Variants in ADAM33 observed in about 807,000 individuals in gnomAD.
ADAM33 encodes the protein ADAM metallopeptidase domain 33, also known as disintegrin and metalloproteinase domain-containing protein 33.
In ADAM33, 103 loss-of-function variants were observed where a neutral mutation model predicts 106.2. That is an observed-to-expected ratio of 0.97 (90% CI 0.83 to 1.14). The LOEUF (loss-of-function observed/expected upper bound fraction) is 1.14. ADAM33 is among the 50% of genes most tolerant of loss of function. ADAM33 has a pLI of 0.00. For synonymous variants in ADAM33, 483 were observed against 453.0 expected, an observed-to-expected ratio of 1.07 and a Z score of -0.84; for missense variants, 1,120 against 1,096.6, an observed-to-expected ratio of 1.02 and a Z score of -0.30.
At position 3,668,798 on chromosome 20, in the gene ADAM33, T is replaced by A. The variant is rs1278623392; in HGVS notation, c.*165A>T. 1.3e-6 allele frequency: 1 copy of A among 785,272 alleles called. No individual in the cohort carries two copies. The allele number at this position is 785,272 out of a possible 1,614,324, so 48.6% of individuals were successfully genotyped here. ...AGGAACTTCTAATGTGGCTCTGGGT[T>A]CCTGGAGTGGGTGGGTCGAAGCTCC... On this transcript the variant is annotated 3_prime_UTR_variant, in exon 22 of 22. Transcript: ENST00000356518.
rs147783607 is a variant in ADAM33 at position 3,669,610 on chromosome 20, G to T, written c.2268C>A (p.His756Gln). The change falls in exon 20 of 22, where the codon CAC (histidine) becomes CAA (glutamine). Residue 756 changes from histidine (H) to glutamine (Q), a missense_variant. His to Gln is a conservative substitution (Grantham distance 24, BLOSUM62 0). Transcript: ENST00000356518. ...CCATGGGGTGAACGCCGCCCAGGGG[G>T]TGGTCCCTGTGTGGGCCATCTTTGG... ...SGPKDGPHRD[H>Q]PLGGVHPMEL... 6.2e-7 allele frequency: 1 copy of T among 1,603,072 alleles called. No individual in the cohort carries two copies. Among genetic ancestry groups the T allele is most frequent in the South Asian group, 1.1e-5 (1 of 88,260 alleles).
At chr20:3,676,444 T>A (rs1170021215) in intron 3 of ADAM33, among the ~76,000 whole-genome samples, 10 of 151,610 alleles carry the variant, frequency 6.6e-5, no homozygotes, top group Non-Finnish European at 1.5e-4. Context: ...TTCTTTTTTT[T>A]CTCTTTTTTT....
intron 1 of ADAM33, 24 bp from the exon 2 acceptor site, chr20:3,679,595 G>A (rs1205387677): frequency 1.3e-6 from 2 of 1,591,444 alleles, no homozygotes; most frequent in Non-Finnish European, 1.7e-6. Context: ...AGAGCACAGG[G>A]TGAGGGGGAC....
chr20:3,674,446 C>T, intron 6 of ADAM33, 58 bp downstream of exon 6: 1 of 1,605,086 alleles, frequency 6.2e-7, no homozygotes, highest in Non-Finnish European at 8.5e-7. Context: ...CCCGTCTCTT[C>T]TGATTTGGAG....
Position 3,674,067 on chromosome 20 carries a change from G to A in ADAM33, c.735C>T (p.Asp245=), listed in dbSNP as rs752230445. The A allele has an allele frequency of 6.2e-7, 1 of 1,614,122 alleles. No homozygotes were observed. The highest frequency in any genetic ancestry group is 8.5e-7 in the Non-Finnish European group (1 of 1,180,018). The change falls in exon 8 of 22, where the codon GAC becomes GAT. Residue 245 remains aspartate (D), a synonymous_variant. Coordinates refer to ENST00000356518, the MANE Select transcript of ADAM33 (RefSeq NM_025220.5). Reference sequence around the variant, plus strand: ...CTCTCTCCCCGCCGCCCCCAACCTGGTCCACGTAGTTGGCGACTTCCAGGA... The same window carrying A: ...CTCTCTCCCCGCCGCCCCCAACCTGATCCACGTAGTTGGCGACTTCCAGGA... The part of the protein sequence containing the change: ...QRLLEVANYV[D]QLLRTLDIQV...
chr20:3,679,571 C>T lies in ADAM33; in HGVS notation c.98G>A (p.Gly33Glu), dbSNP rs766778990. Residue 33 changes from glycine (G) to glutamate (E), a missense_variant and splice_region_variant, in exon 2 of 22, where the codon GGA (glycine) becomes GAA (glutamate). Gly to Glu is a moderately conservative substitution (Grantham distance 98). Coordinates refer to ENST00000356518, the MANE Select transcript of ADAM33 (RefSeq NM_025220.5). ...GGTGACTGGCTGCCCAGGGATATGT[C>T]CTGGAGTAAAGACAGAGCACAGGGT... Reference protein sequence around the residue: ...WPVPGAGVLQGHIPGQPVTPH... With the variant: ...WPVPGAGVLQEHIPGQPVTPH... The T allele has an allele frequency of 2.5e-6, 4 of 1,606,576 alleles. No homozygotes were observed. In the African/African-American group the frequency reaches 4.0e-5, roughly 16 times the overall value.
chr20:3,675,173 C>A lies in ADAM33; in HGVS notation c.255-68G>T. 1 of 1,234,998 alleles carries A rather than the reference C, an allele frequency of 8.1e-7. No individual in the cohort carries two copies. The highest frequency in any genetic ancestry group is 1.3e-5 in the South Asian group (1 of 75,330). The allele number at this position is 1,234,998 out of a possible 1,614,324, so 76.5% of individuals were successfully genotyped here. ...CTGCCTCCTCCAGGATGTCTCCCAGCCTTCCTCCCTAAATGCTAATGGAGC... is the reference window on the plus strand; with the variant it reads ...CTGCCTCCTCCAGGATGTCTCCCAGACTTCCTCCCTAAATGCTAATGGAGC... On this transcript the variant is annotated intron_variant, in intron 3 of 21. Coordinates refer to ENST00000356518, the MANE Select transcript of ADAM33 (RefSeq NM_025220.5). This position sits in a 1 kb window ranked among gnomAD's most constrained non-coding sequence, Gnocchi z 4.1.
At position 3,674,506 on chromosome 20, in the gene ADAM33, T is replaced by C. The variant is rs747663640; in HGVS notation, c.598A>G (p.Arg200Gly). The change falls in exon 6 of 22, where the codon AGG becomes GGG. Residue 200 changes from arginine to glycine, a missense_variant and splice_region_variant. Physicochemically the swap from Arg to Gly is moderately radical, Grantham distance 125. Transcript: ENST00000356518. ...CCCATCCGATCGATGCCCCTGACCC[T>C]GCTCTGGGGACCACCAGGAAGGCTG... Reference protein sequence around the residue: ...MTSLPGGPQSRGRREARRTRK... With the variant: ...MTSLPGGPQSGGRREARRTRK... 6.8e-6 allele frequency: 11 copies of C among 1,613,004 alleles called. No individual in the cohort carries two copies. Among genetic ancestry groups the C allele is most frequent in the South Asian group, 1.1e-5 (1 of 91,014 alleles).
intron 11 of ADAM33, 78 bp from the exon 12 acceptor site, chr20:3,672,976 C>A: frequency 1.4e-6 from 2 of 1,449,472 alleles, no homozygotes; most frequent in Non-Finnish European, 1.8e-6. Context: ...CACCCCTGGG[C>A]TTGGCTACAG....
rs41453444 is a variant in ADAM33, at chr20:3,671,651, A to T, written c.1835T>A (p.Leu612His). 998 of 1,579,074 alleles carry T rather than the reference A, an allele frequency of 6.3e-4. 16 individuals are homozygous for T. In the East Asian group the frequency reaches 0.019, roughly 30 times the overall value. ...AAGCAGGTCCAGCTGGGCACTGGGG[A>T]GTGCCAAGGCTCCCCGACAAGTCAC... ...QEVTCRGALA[L>H]PSAQLDLLGL... The change falls in exon 16 of 22, where the codon CTC (leucine) becomes CAC (histidine). Residue 612 changes from leucine (L) to histidine (H), a missense_variant. By Grantham distance (99) the Leu-to-His change is moderately conservative. Transcript: ENST00000356518.
chr20:3,678,667 G>T (rs1038696754), intron 2 of ADAM33, among the ~76,000 whole-genome samples: 15 of 152,228 alleles, frequency 9.9e-5, no homozygotes, highest in African/African-American at 3.4e-4. Context: ...AACAAAGAGG[G>T]CTCTCTAGGA....
rs149760910 is a variant in ADAM33 at position 3,669,590 on chromosome 20, G to A, written c.2288C>T (p.Pro763Leu). 6.2e-6 allele frequency: 10 copies of A among 1,603,658 alleles called. No homozygotes were observed. The African/African-American group carries it at 1.2e-4, about 19-fold the overall frequency. ...AGTGGCTGTGGGGCCCAACTCCATG[G>A]GGTGAACGCCGCCCAGGGGGTGGTC... ...HRDHPLGGVHPMELGPTATGQ... is the reference protein window; with the variant it reads ...HRDHPLGGVHLMELGPTATGQ... Residue 763 changes from proline (P) to leucine (L), a missense_variant, in exon 20 of 22, where the codon CCC becomes CTC. Pro to Leu is a moderately conservative substitution (Grantham distance 98, BLOSUM62 -3). Coordinates refer to ENST00000356518, the MANE Select transcript of ADAM33 (RefSeq NM_025220.5).
At chr20:3,669,784 C>T (rs1284808705) in intron 19 of ADAM33, 147 bp from the exon 20 acceptor site, 1 of 767,760 alleles carries the variant, frequency 1.3e-6, no homozygotes, top group Non-Finnish European at 2.2e-6. Flanking sequence ...CCTCTCAGCT[C>T]CCTTCCTGCT....
chr20:3,672,820 G>T lies in ADAM33; in HGVS notation c.1212C>A (p.Cys404Ter). 1 of 1,575,436 alleles carries T rather than the reference G, an allele frequency of 6.3e-7. No homozygotes were observed. Among genetic ancestry groups the T allele is most frequent in the African/African-American group, 1.4e-5 (1 of 73,696 alleles). Residue 404 changes from cysteine (C) to a stop codon, truncating the protein, a stop_gained, in exon 12 of 22, where the codon TGC becomes TGA. Transcript: ENST00000356518. LOFTEE classifies it high-confidence loss of function. ...GTCCGGGGTCCGGGGCATTGGAGAG[G>T]CAAGCGCCGCCCCCCTTGCGGAAGA... ...RAFFRKGGGA[C>*]LSNAPDPGLP...
rs1215014173 is a variant in ADAM33, at chr20:3,674,099, G to C, written c.703C>G (p.Gln235Glu). The C allele has an allele frequency of 1.2e-6, 2 of 1,614,230 alleles. No homozygotes were observed. Among genetic ancestry groups the C allele is most frequent in the African/African-American group, 2.7e-5 (2 of 75,066 alleles). ...TRHRNLNHTK[Q>E]RLLEVANYVD... ...TAGTTGGCGACTTCCAGGAGACGCT[G>C]TTTGGTGTGGTTCAAGTTTCGGTGC... The change falls in exon 8 of 22, where the codon CAG (glutamine) becomes GAG (glutamate). Residue 235 changes from glutamine to glutamate, a missense_variant. Gln to Glu is a conservative substitution (Grantham distance 29, BLOSUM62 2). Coordinates refer to ENST00000356518, the MANE Select transcript of ADAM33 (RefSeq NM_025220.5).
chr20:3,677,187 C>T (rs201035792), intron 2 of ADAM33, 44 bp from the exon 3 acceptor site: 5 of 1,521,536 alleles, frequency 3.3e-6, no homozygotes, highest in East Asian at 2.5e-5. Flanking sequence ...GCCTCCAGGC[C>T]TCCTGCCTGC....
In ADAM33 at chr20:3,672,215, G is replaced by A. The variant is rs757800807; in HGVS notation, c.1516C>T (p.Pro506Ser). The stretch of plus-strand genomic sequence containing the variant: ...CAGTAGCCACTGCCCCTGGCACAGG[G>A]TGAGCCGTCCAGTAGGTAAACGTCT... ...PPDVYLLDGS[P>S]CARGSGYCWD... Residue 506 changes from proline (P) to serine (S), a missense_variant, in exon 14 of 22, where the codon CCC becomes TCC. Pro to Ser is a moderately conservative substitution (Grantham distance 74). Transcript: ENST00000356518. 1 of 1,613,356 alleles carries A rather than the reference G, an allele frequency of 6.2e-7. No individual in the cohort carries two copies.
Position 3,669,527 on chromosome 20 carries a change from C to A in ADAM33, c.2332+19G>T, listed in dbSNP as rs754812193. On this transcript the variant is annotated intron_variant, in intron 20 of 21. Transcript: ENST00000356518. Reference sequence around the variant, plus strand: ...CCCTTCTCCCTTCCCTCTCCACCTCCCCCTGGTGCCTCACTCACCCAGGGG... The same window carrying A: ...CCCTTCTCCCTTCCCTCTCCACCTCACCCTGGTGCCTCACTCACCCAGGGG... 4 of 1,565,388 alleles carry A rather than the reference C, an allele frequency of 2.6e-6. No homozygotes were observed. The highest frequency in any genetic ancestry group is 3.5e-6 in the Non-Finnish European group (4 of 1,154,066).
In ADAM33 at chr20:3,668,574, A is replaced by AG; in HGVS notation, c.*388dup. ...CCAGGACCACTAGCTTCTGGCCAGCAGTCATGCCCTCCACAGAGCTGGGTC... is the reference window on the plus strand; with the variant it reads ...CCAGGACCACTAGCTTCTGGCCAGCAGGTCATGCCCTCCACAGAGCTGGGTC... On this transcript the variant is annotated 3_prime_UTR_variant, in exon 22 of 22. Transcript: ENST00000356518. 1 of 273,130 alleles carries AG rather than the reference A, an allele frequency of 3.7e-6. No homozygotes were observed. The highest frequency in any genetic ancestry group is 7.1e-6 in the Non-Finnish European group (1 of 141,030). The allele number at this position is 273,130 out of a possible 1,614,324, so 16.9% of individuals were successfully genotyped here.
Sources: gnomAD v4.1 joint callset for allele counts (sites outside exome capture counted in the v4.1 genomes callset) on GRCh38, gnomAD v4.1.1 for gene constraint, Gnocchi (gnomAD v3.1) non-coding constraint, MANE v1.5 for transcripts, NCBI Gene and HGNC (gene_info 2026-07-23, HGNC 2026-07-21) for gene names.